TMEM72: variants seen among roughly 807,000 people sequenced by gnomAD.
The protein encoded by TMEM72 is transmembrane protein 72, also known as kidney-specific secretory protein of 37 kDa.
Under a neutral mutation model 16.3 loss-of-function variants are expected in TMEM72, and 9 were observed. The ratio of observed to expected loss-of-function variants is 0.55; its 90% CI spans 0.33 to 0.96. TMEM72 has a LOEUF of 0.96. Among genes scored for constraint, TMEM72 ranks in the 40% least tolerant of loss-of-function variants. The probability of loss-of-function intolerance (pLI) is 0.03; values close to 1 mark genes in which losing one functional copy is unlikely to be tolerated. For missense variants in TMEM72, 324 were observed against 337.8 expected (o/e 0.96, Z 0.32); for synonymous variants, 160 against 146.5 (o/e 1.09, Z -0.66).
Position 44,911,396 on chromosome 10 carries a change from C to G in TMEM72, c.-117C>G. The stretch of plus-strand genomic sequence containing the variant: ...CCAGGACTGGTTTGGGAAGGCAGGG[C>G]CCCGGTGTGCAGCCACAGCCAGCAG... On this transcript the variant is annotated 5_prime_UTR_variant, in exon 1 of 5. Transcript: ENST00000389583. 9.2e-7 allele frequency: 1 copy of G among 1,090,216 alleles called. No homozygotes were observed. The highest frequency in any genetic ancestry group is 1.3e-6 in the Non-Finnish European group (1 of 759,274). 67.5% of individuals were successfully genotyped at this position (1,090,216 alleles called of 1,614,324 possible).
At chr10:44,924,038 A>G (rs186942275) in intron 1 of TMEM72, among the ~76,000 whole-genome samples, 5 of 152,270 alleles carry the variant, frequency 3.3e-5, no homozygotes, top group African/African-American at 2.4e-5. Flanking sequence ...CCACCACCAA[A>G]TATCACTGAA....
intron 1 of TMEM72, among the ~76,000 whole-genome samples, chr10:44,915,017 C>T (rs1213040784): frequency 6.6e-6 from 1 of 152,226 alleles, no homozygotes; most frequent in Non-Finnish European, 1.5e-5. Flanking sequence ...CCAGGCTGGG[C>T]ATGGAGGGAA....
chr10:44,926,204 C>T (rs545723300), intron 1 of TMEM72, among the ~76,000 whole-genome samples: 7 of 152,286 alleles, frequency 4.6e-5, no homozygotes, highest in Admixed American at 3.9e-4. Context: ...CACATACACT[C>T]ACACATACAT....
intron 2 of TMEM72, among the ~76,000 whole-genome samples, chr10:44,929,469 CT>C (rs1311717121): frequency 6.6e-6 from 1 of 152,234 alleles, no homozygotes. Context: ...ACTCCCCCCC[CT>C]CCTCAGGATC....
At chr10:44,930,149 T>C (rs574531242) in intron 2 of TMEM72, among the ~76,000 whole-genome samples, 5 of 152,276 alleles carry the variant, frequency 3.3e-5, no homozygotes, top group Non-Finnish European at 7.4e-5. Flanking sequence ...CAGTCCAGCC[T>C]GGGGTCCCCT....
intron 2 of TMEM72, among the ~76,000 whole-genome samples, chr10:44,930,216 CT>C (rs1840274172): frequency 6.6e-6 from 1 of 152,230 alleles, no homozygotes; most frequent in African/African-American, 2.4e-5. Context: ...AGTACCTGCC[CT>C]GTCTGTCCCT....
chr10:44,925,028 A>G (rs551940168), intron 1 of TMEM72, among the ~76,000 whole-genome samples: 2 of 152,270 alleles, frequency 1.3e-5, no homozygotes, highest in East Asian at 1.9e-4. Context: ...TCAGACTCCA[A>G]TCCAAGCAAT....
intron 2 of TMEM72, among the ~76,000 whole-genome samples, chr10:44,928,371 C>T (rs1840235377): frequency 6.6e-6 from 1 of 151,944 alleles, no homozygotes; most frequent in African/African-American, 2.4e-5. Context: ...TCCATCTACC[C>T]ACCCACCTCT....
rs1178875000 is a variant in TMEM72, at chr10:44,936,843, C to A, written c.*1709C>A. 1.3e-5 allele frequency: 2 copies of A among 152,262 alleles called. No individual in the cohort carries two copies. Among genetic ancestry groups the A allele is most frequent in the Admixed American group, 6.5e-5 (1 of 15,282 alleles). The allele number at this position is 152,262 out of a possible 1,614,324, so 9.4% of individuals were successfully genotyped here. A position where few individuals can be genotyped will look rare whatever the true frequency, so the allele number is the denominator to read the frequency against. ...AAGGGGAATGTGATGGCCACAGACACCCTCATGGCACAGACATGGCCAGCC... is the reference window on the plus strand; with the variant it reads ...AAGGGGAATGTGATGGCCACAGACAACCTCATGGCACAGACATGGCCAGCC... On this transcript the variant is annotated 3_prime_UTR_variant, in exon 5 of 5. Transcript: ENST00000389583.
rs548678513 is a variant in TMEM72, at chr10:44,924,376, T to C, written c.71-3545T>C. ...CTCCTGGGTGAGTCCCTCGTCCAGC[T>C]TGGGTTACTGCCCTCGCTGAATGCA... On this transcript the variant is annotated intron_variant, in intron 1 of 4. Transcript: ENST00000389583. Among the ~76,000 whole-genome samples the C allele has an allele frequency of 1.1e-4, 17 of 152,340 alleles. No individual in the cohort carries two copies. In the South Asian group the frequency reaches 3.3e-3, roughly 30 times the overall value.
At chr10:44,922,199 G>A (rs1338862256) in intron 1 of TMEM72, among the ~76,000 whole-genome samples, 1 of 152,170 alleles carries the variant, frequency 6.6e-6, no homozygotes, top group Admixed American at 6.5e-5. Flanking sequence ...CAAGGAGTGG[G>A]CTGTCCTCAT....
At chr10:44,924,477 C>A (rs911700182) in intron 1 of TMEM72, among the ~76,000 whole-genome samples, 3 of 152,310 alleles carry the variant, frequency 2.0e-5, no homozygotes, top group South Asian at 2.1e-4. Context: ...CTGGCCCAAC[C>A]GGTAACCACA....
intron 1 of TMEM72, chr10:44,920,056 C>T (rs1264068679): frequency 6.6e-6 from 1 of 152,246 alleles, no homozygotes; most frequent in Admixed American, 6.5e-5. Context: ...TTGTCATCAG[C>T]CTGGAGCGTC....
chr10:44,911,630 G>C (rs1295737955), intron 1 of TMEM72, 48 bp downstream of exon 1: 3 of 1,540,392 alleles, frequency 1.9e-6, no homozygotes, highest in East Asian at 2.4e-5. Context: ...TGGCACCACA[G>C]ATAGGGCTGC....
In TMEM72 at chr10:44,935,315, G is replaced by A. The variant is rs1840383223; in HGVS notation, c.*181G>A. ...CCAGCATTTCTGGAGAGGCCTCGAG[G>A]GAGGCACAAACAAGGCTCACGCCAC... On this transcript the variant is annotated 3_prime_UTR_variant, in exon 5 of 5. Coordinates refer to ENST00000389583, the MANE Select transcript of TMEM72 (RefSeq NM_001123376.3). 1 of 571,622 alleles carries A rather than the reference G, an allele frequency of 1.7e-6. No individual in the cohort carries two copies. The highest frequency in any genetic ancestry group is 2.9e-5 in the South Asian group (1 of 33,966). The allele number at this position is 571,622 out of a possible 1,614,324, so 35.4% of individuals were successfully genotyped here.
At chr10:44,929,991 C>T (rs568555146) in intron 2 of TMEM72, among the ~76,000 whole-genome samples, 15 of 152,366 alleles carry the variant, frequency 9.8e-5, no homozygotes, top group African/African-American at 3.4e-4. Flanking sequence ...GCCCTGGGAT[C>T]CAGAAGCAGG....
chr10:44,928,156 A>G (rs1379408840), intron 2 of TMEM72, among the ~76,000 whole-genome samples, 169 bp downstream of exon 2: 1 of 152,072 alleles, frequency 6.6e-6, no homozygotes, highest in Non-Finnish European at 1.5e-5. Flanking sequence ...GTTTGTGCAG[A>G]CCATCCCATA....
At chr10:44,925,849 G>A (rs1840178072) in intron 1 of TMEM72, among the ~76,000 whole-genome samples, 3 of 152,054 alleles carry the variant, frequency 2.0e-5, no homozygotes, top group South Asian at 4.1e-4. Flanking sequence ...AGGACATGGC[G>A]AAAACCAAAT....
chr10:44,915,721 A>G (rs1467120557), intron 1 of TMEM72, among the ~76,000 whole-genome samples: 1 of 152,108 alleles, frequency 6.6e-6, no homozygotes, highest in Admixed American at 6.5e-5. Flanking sequence ...CGTACAGTGA[A>G]GCACATAGTC....
Sources: gnomAD v4.1 joint callset for allele counts (sites outside exome capture counted in the v4.1 genomes callset) on GRCh38, gnomAD v4.1.1 for gene constraint, MANE v1.5 for transcripts, NCBI Gene and HGNC (gene_info 2026-07-23, HGNC 2026-07-21) for gene names.